The following NDST4 variants were observed in gnomAD, a reference collection of about 807,000 sequenced individuals.
NDST4 encodes the protein N-deacetylase and N-sulfotransferase 4.
A neutral mutation model predicts 100.8 loss-of-function variants in NDST4; 63 were observed. That is an observed-to-expected ratio of 0.62 (90% confidence interval 0.51 to 0.77). The LOEUF (loss-of-function observed/expected upper bound fraction) is 0.77, where lower values mean the gene tolerates loss of function less well. Among genes scored for constraint, NDST4 ranks in the 30% least tolerant of loss-of-function variants. NDST4 has a pLI of 0.00. For synonymous variants in NDST4, 377 were observed against 361.8 expected (o/e 1.04, Z -0.48); for missense variants, 943 against 1,018.4 (o/e 0.93, Z 1.01).
At chr4:114,882,856 A>G (rs578069022) in intron 6 of NDST4, among the ~76,000 whole-genome samples, 1 of 152,232 alleles carries the variant, frequency 6.6e-6, no homozygotes, top group East Asian at 1.9e-4. Flanking sequence ...CAGAGGAAAA[A>G]GAAACATTAC....
chr4:114,967,583 G>A (rs1726411605), intron 4 of NDST4, among the ~76,000 whole-genome samples: 1 of 152,052 alleles, frequency 6.6e-6, no homozygotes. Context: ...GGAATGAAGT[G>A]GGGGAAGTTT....
At chr4:114,881,384 A>G (rs1305319406) in intron 6 of NDST4, among the ~76,000 whole-genome samples, 1 of 152,086 alleles carries the variant, frequency 6.6e-6, no homozygotes, top group Admixed American at 6.6e-5. Flanking sequence ...TCGAAGGTAT[A>G]CTCAGGTTTC....
At chr4:115,043,716 A>G (rs1176837965) in intron 2 of NDST4, among the ~76,000 whole-genome samples, 1 of 152,182 alleles carries the variant, frequency 6.6e-6, no homozygotes. Flanking sequence ...AATGGGGCAT[A>G]TAATACTCAA....
chr4:114,839,364 T>C lies in NDST4; in HGVS notation c.2286+14A>G. 1 of 1,595,866 alleles carries C rather than the reference T, an allele frequency of 6.3e-7. No homozygotes were observed. Among genetic ancestry groups the C allele is most frequent in the Non-Finnish European group, 8.5e-7 (1 of 1,169,958 alleles). ...TAATAAAATAAACAGAAGAAAGTAA[T>C]TTCAGGACATTACCTGAGAAGTAGC... On this transcript the variant is annotated intron_variant, in intron 11 of 13. Transcript: ENST00000264363.
chr4:114,995,590 C>T (rs1176451299), intron 2 of NDST4, among the ~76,000 whole-genome samples: 1 of 152,012 alleles, frequency 6.6e-6, no homozygotes, highest in Non-Finnish European at 1.5e-5. Context: ...TGGTTACAGA[C>T]TAAATGATGT....
At chr4:114,846,512 G>T (rs529691356) in intron 9 of NDST4, among the ~76,000 whole-genome samples, 1 of 152,132 alleles carries the variant, frequency 6.6e-6, no homozygotes, top group East Asian at 1.9e-4. Flanking sequence ...TTCGTAATTT[G>T]TAGTATACGT....
Position 114,897,193 on chromosome 4 carries a change from A to G in NDST4, c.1537-26243T>C, listed in dbSNP as rs190719466. On this transcript the variant is annotated intron_variant, in intron 6 of 13. Transcript: ENST00000264363. ...ATGCATCTACTATTATAGTATACAT[A>G]ATAGTTCTGGAGCCCTAAAAATCTT... 8.7e-4 allele frequency among the ~76,000 whole-genome samples: 132 copies of G among 152,264 alleles called. 2 individuals are homozygous for G. The highest frequency in any genetic ancestry group is 2.9e-3 in the African/African-American group (121 of 41,562).
intron 2 of NDST4, among the ~76,000 whole-genome samples, chr4:114,981,864 C>T (rs2126246687): frequency 6.6e-6 from 1 of 152,266 alleles, no homozygotes; most frequent in East Asian, 1.9e-4. Flanking sequence ...CAACCCAAAT[C>T]TCACATCAAA....
intron 2 of NDST4, among the ~76,000 whole-genome samples, chr4:115,005,398 AG>A (rs1727390452): frequency 1.3e-5 from 2 of 152,146 alleles, no homozygotes; most frequent in South Asian, 4.1e-4. Context: ...ATCTTACCAG[AG>A]TTTTAAAGAG....
intron 6 of NDST4, among the ~76,000 whole-genome samples, chr4:114,906,542 C>T (rs1028776720): frequency 1.3e-5 from 2 of 151,872 alleles, no homozygotes; most frequent in African/African-American, 4.8e-5. Flanking sequence ...TTTCGCAGGC[C>T]TACCACCAAC....
intron 2 of NDST4, among the ~76,000 whole-genome samples, chr4:115,075,650 T>G (rs1218803739): frequency 6.6e-6 from 1 of 151,924 alleles, no homozygotes; most frequent in East Asian, 1.9e-4. Flanking sequence ...CCAGACGTGG[T>G]GGCAGGCACC....
chr4:114,832,088 C>T lies in NDST4; in HGVS notation c.2396+1518G>A, dbSNP rs189074539. On this transcript the variant is annotated intron_variant, in intron 12 of 13. Coordinates refer to ENST00000264363, the MANE Select transcript of NDST4 (RefSeq NM_022569.3). ...AGTGTAATTTTACAGGTTTATTGAA[C>T]CATAAGCAACTATTTTTCATAAACA... Among the ~76,000 whole-genome samples, 259 of 152,220 alleles carry T rather than the reference C, an allele frequency of 1.7e-3. 1 individual carries two copies. Among genetic ancestry groups the T allele is most frequent in the African/African-American group, 6.1e-3 (252 of 41,520 alleles).
chr4:115,016,389 T>C (rs1375650531), intron 2 of NDST4, among the ~76,000 whole-genome samples: 2 of 152,142 alleles, frequency 1.3e-5, no homozygotes, highest in Admixed American at 1.3e-4. Flanking sequence ...GAAGTAGGAA[T>C]GACATCACTC....
At chr4:114,893,523 G>T (rs979687761) in intron 6 of NDST4, among the ~76,000 whole-genome samples, 5 of 151,514 alleles carry the variant, frequency 3.3e-5, no homozygotes, top group Admixed American at 2.6e-4. Flanking sequence ...TCATATGTTT[G>T]TTGGCTGCAT....
intron 2 of NDST4, among the ~76,000 whole-genome samples, chr4:115,023,208 G>A (rs541073150): frequency 6.6e-5 from 10 of 152,068 alleles, no homozygotes; most frequent in Non-Finnish European, 4.4e-5. Flanking sequence ...CCTGTTGGCC[G>A]AGCGCAGTTG....
intron 6 of NDST4, among the ~76,000 whole-genome samples, chr4:114,886,795 G>T (rs967142919): frequency 9.9e-5 from 15 of 152,048 alleles, no homozygotes; most frequent in Non-Finnish European, 1.9e-4. Flanking sequence ...CATGATGCTG[G>T]GTTATTCTGG....
At chr4:114,886,641 T>C (rs1360139485) in intron 6 of NDST4, among the ~76,000 whole-genome samples, 1 of 152,158 alleles carries the variant, frequency 6.6e-6, no homozygotes, top group African/African-American at 2.4e-5. Context: ...TTACAGTTTG[T>C]GGTTTTGCTC....
chr4:114,949,997 G>A (rs1159085048), intron 4 of NDST4, among the ~76,000 whole-genome samples: 1 of 152,044 alleles, frequency 6.6e-6, no homozygotes, highest in Non-Finnish European at 1.5e-5. Flanking sequence ...TGATTTAGAA[G>A]ATTATAGGAG....
chr4:114,985,870 G>A (rs1368222870), intron 2 of NDST4, among the ~76,000 whole-genome samples: 4 of 152,136 alleles, frequency 2.6e-5, no homozygotes, highest in Admixed American at 2.0e-4. Context: ...GAAAATAACA[G>A]ACCAGTTATG....
Sources: gnomAD v4.1 joint callset for allele counts (sites outside exome capture counted in the v4.1 genomes callset) on GRCh38, gnomAD v4.1.1 for gene constraint, MANE v1.5 for transcripts, NCBI Gene and HGNC (gene_info 2026-07-23, HGNC 2026-07-21) for gene names.